PRELID2: variants seen among roughly 807,000 people sequenced by gnomAD.
The protein encoded by PRELID2 is PRELI domain containing 2.
PRELID2 carries 25 observed loss-of-function variants against 28.4 expected under a neutral mutation model. That is an observed-to-expected ratio of 0.88 (90% CI 0.64 to 1.23). PRELID2 has a LOEUF of 1.23. Ranked by LOEUF, PRELID2 falls within the 50% of genes most tolerant of loss-of-function variation. The pLI is 0.00. For synonymous variants in PRELID2, 76 were observed against 71.6 expected (o/e 1.06, Z -0.31); for missense variants, 201 against 214.4 (o/e 0.94, Z 0.39).
At chr5:145,422,193 A>T in the PRELID2 span, among the ~76,000 whole-genome samples, 34 of 148,826 alleles carry the variant, frequency 2.3e-4, no homozygotes. Flanking sequence ...GTGGTGCTGA[A>T]AAAAATGTAT....
At chr5:145,428,886 A>C in the PRELID2 span, among the ~76,000 whole-genome samples, 5 of 151,730 alleles carry the variant, frequency 3.3e-5, no homozygotes, top group Admixed American at 6.6e-5. Flanking sequence ...AGGCAGGTGC[A>C]TGCTACTGTG....
At chr5:145,287,965 T>G in the PRELID2 span, among the ~76,000 whole-genome samples, 1 of 152,166 alleles carries the variant, frequency 6.6e-6, no homozygotes. Flanking sequence ...GAGATTTCTT[T>G]GAGTTTATGT....
At chr5:145,516,395 A>G (rs183198544) in intron 1 of PRELID2, among the ~76,000 whole-genome samples, 184 of 152,304 alleles carry the variant, frequency 1.2e-3, no homozygotes, top group African/African-American at 4.4e-3. Context: ...CAATTACTAC[A>G]AAGGGAATAA....
the PRELID2 span, among the ~76,000 whole-genome samples, chr5:145,299,644 CGTGT>C: frequency 0.014 from 1,531 of 109,328 alleles, 17 homozygotes; most frequent in East Asian, 0.065. Context: ...TATGTGTGTG[CGTGT>C]GTGTGTGTGT....
intron 5 of PRELID2, among the ~76,000 whole-genome samples, chr5:145,766,160 C>T (rs909738109): frequency 9.9e-5 from 15 of 152,148 alleles, no homozygotes; most frequent in Non-Finnish European, 5.9e-5. Context: ...AAACTGAGGT[C>T]TCCAGGACAT....
At chr5:145,485,192 A>G (rs1752205098) in intron 1 of PRELID2, among the ~76,000 whole-genome samples, 2 of 152,242 alleles carry the variant, frequency 1.3e-5, no homozygotes, top group Non-Finnish European at 2.9e-5. Flanking sequence ...TTCAAGAAAG[A>G]ATTCTGGAAG....
intron 1 of PRELID2, among the ~76,000 whole-genome samples, chr5:145,657,457 G>A (rs575303710): frequency 2.1e-4 from 32 of 152,116 alleles, no homozygotes; most frequent in Admixed American, 5.2e-4. Context: ...AGGCTGAGGC[G>A]GGCAGATCAT....
the PRELID2 span, among the ~76,000 whole-genome samples, chr5:145,456,001 C>G: frequency 6.6e-6 from 1 of 152,170 alleles, no homozygotes; most frequent in Non-Finnish European, 1.5e-5. Flanking sequence ...TTGCCAGCCA[C>G]CTCTCCAACT....
At chr5:145,366,495 T>C in the PRELID2 span, among the ~76,000 whole-genome samples, 1 of 151,902 alleles carries the variant, frequency 6.6e-6, no homozygotes, top group Non-Finnish European at 1.5e-5. Flanking sequence ...ATACAGGGTA[T>C]TTCAATTGTC....
chr5:145,497,589 G>A (rs1363450412), intron 1 of PRELID2, among the ~76,000 whole-genome samples: 4 of 152,062 alleles, frequency 2.6e-5, no homozygotes, highest in African/African-American at 9.7e-5. Context: ...AAGTAGAAAC[G>A]CCTGCATACT....
At chr5:145,715,911 T>C (rs1755830291) in intron 1 of PRELID2, among the ~76,000 whole-genome samples, 1 of 152,228 alleles carries the variant, frequency 6.6e-6, no homozygotes, top group Non-Finnish European at 1.5e-5. Flanking sequence ...TATCATTATC[T>C]ATTTTCTTGT....
the PRELID2 span, among the ~76,000 whole-genome samples, chr5:145,257,595 A>G: frequency 6.6e-6 from 1 of 152,166 alleles, no homozygotes; most frequent in Non-Finnish European, 1.5e-5. Flanking sequence ...AATGATGTTC[A>G]TAAGAATGTT....
At chr5:145,406,088 C>A in the PRELID2 span, among the ~76,000 whole-genome samples, 1 of 152,056 alleles carries the variant, frequency 6.6e-6, no homozygotes, top group Non-Finnish European at 1.5e-5. Context: ...GTTGTTAAAC[C>A]ATTTATGAGC....
the PRELID2 span, among the ~76,000 whole-genome samples, chr5:145,286,264 G>T: frequency 1.3e-5 from 2 of 152,132 alleles, no homozygotes; most frequent in African/African-American, 4.8e-5. Flanking sequence ...TGGAACTGGG[G>T]TTCAAAACTA....
At chr5:145,631,461 A>G (rs950236272) in intron 1 of PRELID2, among the ~76,000 whole-genome samples, 2 of 152,180 alleles carry the variant, frequency 1.3e-5, no homozygotes, top group African/African-American at 4.8e-5. Context: ...CAAAGTGGGA[A>G]TCGCAATATC....
chr5:145,738,897 T>A (rs2149734058), intron 1 of PRELID2, among the ~76,000 whole-genome samples: 1 of 152,116 alleles, frequency 6.6e-6, no homozygotes, highest in African/African-American at 2.4e-5. Flanking sequence ...ATAGTCAAAC[T>A]TCAACAAAAG....
chr5:145,368,535 T>C, the PRELID2 span, among the ~76,000 whole-genome samples: 10 of 151,926 alleles, frequency 6.6e-5, no homozygotes, highest in Non-Finnish European at 1.2e-4. Context: ...CTTTCTCCTC[T>C]CCCTAATATA....
intron 1 of PRELID2, among the ~76,000 whole-genome samples, chr5:145,567,991 A>G (rs1218567784): frequency 6.6e-6 from 1 of 152,178 alleles, no homozygotes; most frequent in Non-Finnish European, 1.5e-5. Context: ...GACTTGCCCA[A>G]TCATAGCTAC....
chr5:145,817,463 T>C (rs1338437022), intron 4 of PRELID2, among the ~76,000 whole-genome samples: 1 of 76,824 alleles, frequency 1.3e-5, no homozygotes, highest in Non-Finnish European at 3.5e-5. Flanking sequence ...TGGTTTAAGC[T>C]CAGAAACATT....
Sources: gnomAD v4.1 joint callset for allele counts (sites outside exome capture counted in the v4.1 genomes callset) on GRCh38, gnomAD v4.1.1 for gene constraint, MANE v1.5 for transcripts, NCBI Gene and HGNC (gene_info 2026-07-23, HGNC 2026-07-21) for gene names.